The following PCDHA8 variants were observed in gnomAD, a reference collection of about 807,000 sequenced individuals.
PCDHA8 encodes the protein protocadherin alpha 8.
Under a neutral mutation model 61.8 loss-of-function variants are expected in PCDHA8, and 53 were observed. That is an observed-to-expected ratio of 0.86 (90% CI 0.69 to 1.08). The LOEUF is 1.08. Ranked by LOEUF, PCDHA8 falls within the 50% of genes least tolerant of loss-of-function variation. The pLI is 0.00. For synonymous variants in PCDHA8, 618 were observed against 556.6 expected (o/e 1.11, Z -1.55); for missense variants, 1,293 against 1,245.0 (o/e 1.04, Z -0.58).
intron 1 of PCDHA8, among the ~76,000 whole-genome samples, chr5:140,942,069 A>G (rs1384507706): frequency 1.3e-5 from 2 of 152,234 alleles, no homozygotes; most frequent in Non-Finnish European, 2.9e-5. Flanking sequence ...TAATTGAGCC[A>G]AGAGAGCACA....
At chr5:140,968,508 A>T in intron 1 of PCDHA8, 1 of 1,614,068 alleles carries the variant, frequency 6.2e-7, no homozygotes. Flanking sequence ...CACATTCTGT[A>T]CCCTACCTCA....
At position 140,845,518 on chromosome 5, in the gene PCDHA8, T is replaced by C. The variant is rs984046956; in HGVS notation, c.2394+1803T>C. On this transcript the variant is annotated intron_variant, in intron 1 of 3. Coordinates refer to ENST00000531613, the MANE Select transcript of PCDHA8 (RefSeq NM_018911.3). ...AAAGTCTAAACCTATTTCTTGTACATTAATACTTTTCACTATTCTAATTAT... is the reference window on the plus strand; with the variant it reads ...AAAGTCTAAACCTATTTCTTGTACACTAATACTTTTCACTATTCTAATTAT... Among the ~76,000 whole-genome samples the C allele has an allele frequency of 1.3e-5, 2 of 149,636 alleles. 1 individual carries two copies. The highest frequency in any genetic ancestry group is 3.0e-5 in the Non-Finnish European group (2 of 66,854).
chr5:141,006,177 AAG>A (rs2098258661), intron 3 of PCDHA8, among the ~76,000 whole-genome samples: 2 of 151,826 alleles, frequency 1.3e-5, no homozygotes, highest in African/African-American at 4.8e-5. Context: ...ATATTTTTAA[AAG>A]AGTTTGCTAT....
intron 1 of PCDHA8, chr5:140,875,896 G>C (rs1183868015): frequency 6.2e-7 from 1 of 1,614,078 alleles, no homozygotes; most frequent in African/African-American, 1.3e-5. Context: ...AAAGGTACCT[G>C]TTTCTGAATC....
In PCDHA8 at chr5:140,858,601, A is replaced by G. The variant is rs7341057; in HGVS notation, c.2394+14886A>G. On this transcript the variant is annotated intron_variant, in intron 1 of 3. Transcript: ENST00000531613. ...TAATATAATTTATTCCAGGAGTTTT[A>G]AAATTTTTTTATCCTACCCAGTGTG... 747 of 1,295,358 alleles carry G rather than the reference A, an allele frequency of 5.8e-4. 36 individuals carry two copies. The African/African-American group carries it at 0.01, about 18-fold the overall frequency. 80.2% of individuals were successfully genotyped at this position (1,295,358 alleles called of 1,614,324 possible).
intron 1 of PCDHA8, chr5:140,862,898 C>T (rs782019926): frequency 8.8e-5 from 49 of 555,816 alleles, no homozygotes; most frequent in Non-Finnish European, 7.3e-5. Flanking sequence ...ACAACTTTGT[C>T]TGCGCTGCTG....
In PCDHA8 at chr5:140,841,274, C is replaced by T. The variant is rs1554138057; in HGVS notation, c.-48C>T. On this transcript the variant is annotated 5_prime_UTR_variant, in exon 1 of 4. Coordinates refer to ENST00000531613, the MANE Select transcript of PCDHA8 (RefSeq NM_018911.3). The stretch of plus-strand genomic sequence containing the variant: ...AAAAGACTCTGAAAGTACAGTCGTT[C>T]ATCTTTATATTAAGATAATATTTTC... 4 of 1,518,268 alleles carry T rather than the reference C, an allele frequency of 2.6e-6. No individual in the cohort carries two copies. The allele number at this position is 1,518,268 out of a possible 1,614,324, so 94.0% of individuals were successfully genotyped here. A position where few individuals can be genotyped will look rare whatever the true frequency, so the allele number is the denominator to read the frequency against.
At chr5:140,875,428 C>T (rs782761347) in intron 1 of PCDHA8, 1 of 1,537,796 alleles carries the variant, frequency 6.5e-7, no homozygotes, top group Non-Finnish European at 8.7e-7. Context: ...GGCAAGCGAT[C>T]CCTTAAAACT....
At chr5:140,926,788 G>A in intron 1 of PCDHA8, 26 of 1,427,398 alleles carry the variant, frequency 1.8e-5, no homozygotes, top group Non-Finnish European at 2.4e-5. Flanking sequence ...ACGGCCGGCA[G>A]GAGCGTGCTC....
chr5:140,935,501 A>G (rs1337847677), intron 1 of PCDHA8, among the ~76,000 whole-genome samples: 1 of 152,250 alleles, frequency 6.6e-6, no homozygotes, highest in East Asian at 1.9e-4. Context: ...GCACATCCTT[A>G]CAAATGCCCA....
chr5:140,918,403 C>G (rs192008600), intron 1 of PCDHA8, among the ~76,000 whole-genome samples: 1 of 152,278 alleles, frequency 6.6e-6, no homozygotes, highest in African/African-American at 2.4e-5. Flanking sequence ...CCTGATTTCT[C>G]TGGCCAGGAC....
chr5:140,953,961 G>C lies in PCDHA8; in HGVS notation c.2395-24988G>C, dbSNP rs140078691. ...CCCATTGCTCCCCCAACAGGCCCCA[G>C]TGTGTGTTGTTCCCCTTCATATTTT... On this transcript the variant is annotated intron_variant, in intron 1 of 3. Coordinates refer to ENST00000531613, the MANE Select transcript of PCDHA8 (RefSeq NM_018911.3). 1.0e-3 allele frequency among the ~76,000 whole-genome samples: 152 copies of C among 152,128 alleles called. 3 individuals are homozygous for C. In the East Asian group the frequency reaches 0.026, roughly 26 times the overall value.
intron 1 of PCDHA8, among the ~76,000 whole-genome samples, chr5:140,975,597 T>C (rs2096674133): frequency 6.6e-6 from 1 of 152,242 alleles, no homozygotes; most frequent in Non-Finnish European, 1.5e-5. Context: ...GAGGGCAATT[T>C]GTTGATGTCT....
chr5:140,856,012 G>A lies in PCDHA8; in HGVS notation c.2394+12297G>A, dbSNP rs1158329125. 3 of 1,546,896 alleles carry A rather than the reference G, an allele frequency of 1.9e-6. No homozygotes were observed. The East Asian group carries it at 6.8e-5, about 35-fold the overall frequency. ...TCAGATCGTATGTGCGTTCTAGACC[G>A]CTGATTCGTCGATTTGTAAAACAAG... is the stretch of plus-strand genomic sequence containing the variant. On this transcript the variant is annotated intron_variant, in intron 1 of 3. Coordinates refer to ENST00000531613, the MANE Select transcript of PCDHA8 (RefSeq NM_018911.3).
At chr5:140,890,627 G>A (rs1562851697) in intron 1 of PCDHA8, among the ~76,000 whole-genome samples, 1 of 152,056 alleles carries the variant, frequency 6.6e-6, no homozygotes, top group Non-Finnish European at 1.5e-5. Flanking sequence ...AGAAAATTAA[G>A]CATGTATCCT....
At chr5:141,004,823 TTAGA>T (rs1175791432) in intron 3 of PCDHA8, among the ~76,000 whole-genome samples, 26 of 152,314 alleles carry the variant, frequency 1.7e-4, no homozygotes, top group African/African-American at 5.8e-4. Context: ...TTTGATTAAC[TTAGA>T]TAGATCAAAG....
At chr5:140,942,863 T>A (rs1223265899) in intron 1 of PCDHA8, among the ~76,000 whole-genome samples, 2 of 152,126 alleles carry the variant, frequency 1.3e-5, no homozygotes, top group Non-Finnish European at 2.9e-5. Context: ...TTATTTTGCT[T>A]TAGCATGACA....
chr5:140,854,993 C>T lies in PCDHA8; in HGVS notation c.2394+11278C>T, dbSNP rs781816835. Among the ~76,000 whole-genome samples, 37 of 149,404 alleles carry T rather than the reference C, an allele frequency of 2.5e-4. 3 individuals carry two copies. The highest frequency in any genetic ancestry group is 4.7e-4 in the Admixed American group (7 of 14,878). ...AATTATAATTAAGATTCTTTTTGCC[C>T]GTGTAAGATATTATAAAATGAAACT... is the stretch of plus-strand genomic sequence containing the variant. On this transcript the variant is annotated intron_variant, in intron 1 of 3. Coordinates refer to ENST00000531613, the MANE Select transcript of PCDHA8 (RefSeq NM_018911.3).
At chr5:140,957,269 T>TC (rs2095346885) in intron 1 of PCDHA8, among the ~76,000 whole-genome samples, 1 of 152,070 alleles carries the variant, frequency 6.6e-6, no homozygotes, top group African/African-American at 2.4e-5. Context: ...TAAGCACTAG[T>TC]CCCCCCTTAC....
Sources: allele counts gnomAD v4.1 joint callset (sites outside exome capture counted in the v4.1 genomes callset), GRCh38; gene constraint gnomAD v4.1.1; transcripts MANE v1.5; gene names NCBI Gene and HGNC (gene_info 2026-07-23, HGNC 2026-07-21).